Variants in CHRM2 observed in about 807,000 individuals in gnomAD.
The protein encoded by CHRM2 is muscarinic acetylcholine receptor M2.
CHRM2 carries 8 observed loss-of-function variants against 25.0 expected under a neutral mutation model. That is an observed-to-expected ratio of 0.32 (90% CI 0.19 to 0.58). The LOEUF (loss-of-function observed/expected upper bound fraction) is 0.58, where lower values mean the gene tolerates loss of function less well. Among genes scored for constraint, CHRM2 ranks in the 20% least tolerant of loss-of-function variants. CHRM2 has a pLI of 0.88. For missense variants in CHRM2, 440 were observed against 567.1 expected, an observed-to-expected ratio of 0.78 and a Z score of 2.28; for synonymous variants, 202 against 205.7, an observed-to-expected ratio of 0.98 and a Z score of 0.15.
chr7:137,009,573 T>C (rs1804671454), intron 3 of CHRM2, among the ~76,000 whole-genome samples: 2 of 152,030 alleles, frequency 1.3e-5, no homozygotes, highest in Admixed American at 6.6e-5. Flanking sequence ...TTGGACTTAG[T>C]CATATCAGGT....
At position 137,015,360 on chromosome 7, in the gene CHRM2, T is replaced by C. The variant is rs1805100495; in HGVS notation, c.495T>C (p.Ile165=). The C allele has an allele frequency of 6.2e-7, 1 of 1,613,356 alleles. No homozygotes were observed. Among genetic ancestry groups the C allele is most frequent in the African/African-American group, 1.3e-5 (1 of 74,840 alleles). The part of the protein sequence containing the change: ...WAPAILFWQF[I]VGVRTVEDGE... ...CAGCCATTCTCTTCTGGCAGTTCATTGTAGGGGTGAGAACTGTGGAGGATG... is the reference window on the plus strand; with the variant it reads ...CAGCCATTCTCTTCTGGCAGTTCATCGTAGGGGTGAGAACTGTGGAGGATG... Residue 165 remains isoleucine (I), a synonymous_variant, in exon 4 of 4, where the codon ATT becomes ATC. Transcript: ENST00000680005. This position sits in a 1 kb window ranked among gnomAD's most constrained non-coding sequence, Gnocchi z 5.1.
rs989953873 is a variant in CHRM2 at position 137,016,333 on chromosome 7, T to G, written c.*67T>G. 1 of 1,484,286 alleles carries G rather than the reference T, an allele frequency of 6.7e-7. No individual in the cohort carries two copies. Among genetic ancestry groups the G allele is most frequent in the Non-Finnish European group, 9.4e-7 (1 of 1,065,828 alleles). 91.9% of individuals were successfully genotyped at this position (1,484,286 alleles called of 1,614,324 possible). On this transcript the variant is annotated 3_prime_UTR_variant, in exon 4 of 4. Coordinates refer to ENST00000680005, the MANE Select transcript of CHRM2 (RefSeq NM_001006630.2). ...AGAAGAATAAAAGGGATAAACGAGC[T>G]CCTAGTTTTAAAATCTCTGCCATTG... is the stretch of plus-strand genomic sequence containing the variant.
At chr7:136,986,252 AT>A (rs980106027) in intron 2 of CHRM2, among the ~76,000 whole-genome samples, 3 of 151,994 alleles carry the variant, frequency 2.0e-5, no homozygotes, top group African/African-American at 4.8e-5. Flanking sequence ...TTGGCAGTTT[AT>A]TTTTTTTAAA....
At chr7:137,011,215 G>GTGTATATATA in intron 3 of CHRM2, among the ~76,000 whole-genome samples, 12 of 134,334 alleles carry the variant, frequency 8.9e-5, no homozygotes, top group African/African-American at 2.2e-4. Flanking sequence ...GTGTGTGTGT[G>GTGTATATATA]TATATATATA....
chr7:136,963,024 C>T (rs997846678), intron 2 of CHRM2, among the ~76,000 whole-genome samples: 3 of 151,336 alleles, frequency 2.0e-5, no homozygotes, highest in Admixed American at 6.6e-5. Flanking sequence ...TTAGTTTTTA[C>T]GAAAAAAGAA....
At chr7:136,927,929 T>C (rs1274898334) in intron 2 of CHRM2, among the ~76,000 whole-genome samples, 1 of 152,152 alleles carries the variant, frequency 6.6e-6, no homozygotes, top group Non-Finnish European at 1.5e-5. Context: ...AAATTTGGAG[T>C]ATTTTTTATA....
At chr7:137,008,905 G>C (rs1338399029) in intron 3 of CHRM2, among the ~76,000 whole-genome samples, 1 of 151,996 alleles carries the variant, frequency 6.6e-6, no homozygotes, top group Admixed American at 6.6e-5. Flanking sequence ...TTATGCCATT[G>C]TGTAATATTG....
At chr7:136,970,890 A>G (rs1282817958) in intron 2 of CHRM2, among the ~76,000 whole-genome samples, 1 of 152,140 alleles carries the variant, frequency 6.6e-6, no homozygotes, top group Non-Finnish European at 1.5e-5. Flanking sequence ...TTTTTCCTTC[A>G]GTTCCATTGA....
Position 136,893,151 on chromosome 7 carries a change from T to A in CHRM2, c.-125+23733T>A, listed in dbSNP as rs17168785. Among the ~76,000 whole-genome samples, 692 of 152,282 alleles carry A rather than the reference T, an allele frequency of 4.5e-3. 24 individuals are homozygous for A. Among genetic ancestry groups the A allele is most frequent in the Admixed American group, 0.042 (643 of 15,300 alleles). On this transcript the variant is annotated intron_variant, in intron 2 of 3. Coordinates refer to ENST00000680005, the MANE Select transcript of CHRM2 (RefSeq NM_001006630.2). Reference sequence around the variant, plus strand: ...TGATTTGAAGTTGCCAGCAGACTTCTGGGAATAGACTGCTCCTTTCCACAC... The same window carrying A: ...TGATTTGAAGTTGCCAGCAGACTTCAGGGAATAGACTGCTCCTTTCCACAC...
chr7:136,959,393 A>G (rs1399322759), intron 2 of CHRM2, among the ~76,000 whole-genome samples: 2 of 152,232 alleles, frequency 1.3e-5, no homozygotes, highest in African/African-American at 4.8e-5. Context: ...TGCCTGAGAC[A>G]TGTGGATACC....
At chr7:136,882,021 T>C (rs1208633986) in intron 2 of CHRM2, among the ~76,000 whole-genome samples, 1 of 152,092 alleles carries the variant, frequency 6.6e-6, no homozygotes, top group East Asian at 1.9e-4. Context: ...GTTTTACCAA[T>C]AGCAGACAGA....
chr7:136,987,503 T>C lies in CHRM2; in HGVS notation c.-124-4684T>C, dbSNP rs564841809. Among the ~76,000 whole-genome samples the C allele has an allele frequency of 2.6e-5, 4 of 152,328 alleles. No homozygotes were observed. In the South Asian group the frequency reaches 8.3e-4, roughly 32 times the overall value. ...TATGCCCAGTCTCCCTACTAGTCAT[T>C]TGATTAACTTAACATCACGTATTGT... On this transcript the variant is annotated intron_variant, in intron 2 of 3. Coordinates refer to ENST00000680005, the MANE Select transcript of CHRM2 (RefSeq NM_001006630.2).
chr7:136,959,541 G>C (rs1233353319), intron 2 of CHRM2, among the ~76,000 whole-genome samples: 1 of 152,208 alleles, frequency 6.6e-6, no homozygotes, highest in East Asian at 1.9e-4. Flanking sequence ...TGAATGTGAA[G>C]ACAGAAACCA....
chr7:137,013,724 A>G (rs1400865133), intron 3 of CHRM2, among the ~76,000 whole-genome samples: 1 of 152,054 alleles, frequency 6.6e-6, no homozygotes, highest in African/African-American at 2.4e-5. Context: ...ACACAACAGG[A>G]TAGGGAAACA....
At chr7:136,878,660 C>T (rs538943226) in intron 2 of CHRM2, among the ~76,000 whole-genome samples, 7 of 151,982 alleles carry the variant, frequency 4.6e-5, no homozygotes, top group African/African-American at 1.7e-4. Flanking sequence ...TATGCCATTT[C>T]TTTACATGTA....
chr7:136,871,101 C>G (rs1408204802), intron 2 of CHRM2: 11 of 153,726 alleles, frequency 7.2e-5, no homozygotes, highest in African/African-American at 2.7e-4. Context: ...CAGCCCGGGA[C>G]GCCTGCAGCC....
intron 2 of CHRM2, among the ~76,000 whole-genome samples, chr7:136,896,092 T>C (rs375394796): frequency 6.6e-6 from 1 of 152,342 alleles, no homozygotes; most frequent in East Asian, 1.9e-4. Flanking sequence ...TTGAACAATG[T>C]GAACAATTGC....
intron 2 of CHRM2, among the ~76,000 whole-genome samples, chr7:136,887,863 T>G (rs979634045): frequency 5.9e-5 from 9 of 152,198 alleles, no homozygotes; most frequent in Non-Finnish European, 1.3e-4. Context: ...CATTTTACAT[T>G]TGAAGAAACA....
At chr7:136,914,840 GTTA>G (rs1798020789) in intron 2 of CHRM2, among the ~76,000 whole-genome samples, 1 of 152,040 alleles carries the variant, frequency 6.6e-6, no homozygotes, top group East Asian at 1.9e-4. Context: ...ACAAATGTTT[GTTA>G]TTATAATGAA....
Sources: allele counts gnomAD v4.1 joint callset (sites outside exome capture counted in the v4.1 genomes callset), GRCh38; gene constraint gnomAD v4.1.1; non-coding constraint Gnocchi (gnomAD v3.1); transcripts MANE v1.5; gene names NCBI Gene and HGNC (gene_info 2026-07-23, HGNC 2026-07-21).